The following PASD1 variants were observed in gnomAD, a reference collection of about 807,000 sequenced individuals.
PASD1 encodes circadian clock protein PASD1.
A neutral mutation model predicts 58.8 loss-of-function variants in PASD1; 13 were observed. The observed-to-expected ratio is 0.22, with a 90% CI of 0.14 to 0.35. PASD1 has a LOEUF of 0.35. Among genes scored for constraint, PASD1 ranks in the 10% least tolerant of loss-of-function variants. The pLI is 1.00. For missense variants in PASD1, 734 were observed against 568.3 expected, an observed-to-expected ratio of 1.29 and a Z score of -2.96; for synonymous variants, 236 against 216.7, an observed-to-expected ratio of 1.09 and a Z score of -0.78.
chrX:151,583,007 G>A, intron 1 of PASD1, among the ~76,000 whole-genome samples: 1 of 112,038 alleles, frequency 8.9e-6, no homozygotes, highest in East Asian at 2.8e-4. Context: ...AGAAATGTGG[G>A]ATGTTCGTGC....
chrX:151,671,773 C>G lies in PASD1; in HGVS notation c.1431C>G (p.Phe477Leu). The change falls in exon 13 of 16, where the codon TTC (phenylalanine) becomes TTG (leucine). Residue 477 changes from phenylalanine to leucine, a missense_variant. Transcript: ENST00000370357. The stretch of plus-strand genomic sequence containing the variant: ...AGCTTCAGGAGCCTTGTGTTGCCTT[C>G]AACCAGGTATGGAAAGGCTGTTTTA... ...TGELQEPCVA[F>L]NQQQLVQQEQ... 8.3e-7 allele frequency: 1 copy of G among 1,202,990 alleles called. No individual in the cohort carries two copies. Among genetic ancestry groups the G allele is most frequent in the Non-Finnish European group, 1.1e-6 (1 of 887,370 alleles).
At chrX:151,654,920 T>C (rs185125462) in intron 9 of PASD1, among the ~76,000 whole-genome samples, 1 of 110,767 alleles carries the variant, frequency 9.0e-6, no homozygotes, top group African/African-American at 3.3e-5. Context: ...TTGTCACATA[T>C]GTATACATAT....
intron 14 of PASD1, chrX:151,673,455 A>T (rs2014504167): frequency 7.6e-6 from 1 of 132,443 alleles, no homozygotes; most frequent in South Asian, 2.5e-4. Flanking sequence ...GATCATCAGA[A>T]TCCACCTGAG....
At chrX:151,670,546 A>G (rs955511985) in intron 11 of PASD1, among the ~76,000 whole-genome samples, 1 of 112,391 alleles carries the variant, frequency 8.9e-6, no homozygotes, top group Non-Finnish European at 1.9e-5. Context: ...TCTAAGTACT[A>G]TATGAGAACA....
chrX:151,622,474 T>C (rs940181400), intron 6 of PASD1, among the ~76,000 whole-genome samples: 7 of 110,434 alleles, frequency 6.3e-5, no homozygotes, highest in African/African-American at 2.3e-4. Flanking sequence ...AATGAATAAA[T>C]AAATAAATGA....
intron 1 of PASD1, among the ~76,000 whole-genome samples, chrX:151,595,470 G>A (rs979505252): frequency 8.1e-5 from 9 of 111,211 alleles, no homozygotes; most frequent in Non-Finnish European, 1.5e-4. Flanking sequence ...TGTAATCCCA[G>A]GACTTTGGGA....
intron 1 of PASD1, among the ~76,000 whole-genome samples, chrX:151,565,778 T>C (rs953384468): frequency 1.8e-5 from 2 of 111,220 alleles, no homozygotes; most frequent in African/African-American, 6.5e-5. Context: ...CAGGATGGTC[T>C]CGATCTCCTG....
At chrX:151,601,358 A>T (rs918176434) in intron 1 of PASD1, among the ~76,000 whole-genome samples, 169 bp from the exon 2 acceptor site, 1 of 112,448 alleles carries the variant, frequency 8.9e-6, no homozygotes, top group Non-Finnish European at 1.9e-5. Context: ...ACATCTACAT[A>T]ACATATGAGA....
At chrX:151,665,925 A>G (rs1411824723) in intron 11 of PASD1, among the ~76,000 whole-genome samples, 2 of 105,887 alleles carry the variant, frequency 1.9e-5, no homozygotes, top group African/African-American at 6.9e-5. Flanking sequence ...TGGTCTAATG[A>G]ATGTCTGCTT....
intron 15 of PASD1, among the ~76,000 whole-genome samples, chrX:151,674,940 T>C (rs1306755431): frequency 1.8e-5 from 2 of 111,694 alleles, no homozygotes; most frequent in African/African-American, 6.5e-5. Flanking sequence ...TTTTCACATA[T>C]ACCCCTTGAC....
At chrX:151,590,550 G>T (rs2013230812) in intron 1 of PASD1, among the ~76,000 whole-genome samples, 1 of 110,860 alleles carries the variant, frequency 9.0e-6, no homozygotes, top group Non-Finnish European at 1.9e-5. Flanking sequence ...TGATTCTCAG[G>T]ACATGTTCCA....
chrX:151,644,638 A>G (rs1023534663), intron 8 of PASD1, among the ~76,000 whole-genome samples: 3 of 111,842 alleles, frequency 2.7e-5, no homozygotes, highest in Admixed American at 9.5e-5. Flanking sequence ...ACTTAGAGAC[A>G]TAGGGTGGTC....
At chrX:151,638,248 A>T (rs1274102255) in intron 8 of PASD1, among the ~76,000 whole-genome samples, 1 of 109,379 alleles carries the variant, frequency 9.1e-6, no homozygotes, top group Non-Finnish European at 1.9e-5. Context: ...GAGAAATGAG[A>T]ACACTTGAAC....
intron 8 of PASD1, among the ~76,000 whole-genome samples, chrX:151,636,397 T>C (rs1406224635): frequency 8.9e-6 from 1 of 112,230 alleles, no homozygotes; most frequent in Non-Finnish European, 1.9e-5. Context: ...ATTTTCTTTT[T>C]CTTTCTTTCT....
intron 14 of PASD1, chrX:151,672,899 T>A (rs2014497386): frequency 2.3e-6 from 1 of 437,687 alleles, no homozygotes; most frequent in Non-Finnish European, 3.7e-6. Context: ...AAGAAAGGAC[T>A]AGATAAGGAA....
rs189441767 is a variant in PASD1, at chrX:151,609,246, C to A, written c.118-2418C>A. On this transcript the variant is annotated intron_variant, in intron 3 of 15. Transcript: ENST00000370357. ...AATAAATAGTGTTTAAAAAATTATTCTATTATAAATACTTTGTAATCTCCA... is the reference window on the plus strand; with the variant it reads ...AATAAATAGTGTTTAAAAAATTATTATATTATAAATACTTTGTAATCTCCA... Among the ~76,000 whole-genome samples the A allele has an allele frequency of 1.3e-4, 15 of 111,492 alleles. No homozygotes were observed. In the East Asian group the frequency reaches 4.2e-3, roughly 31 times the overall value.
At chrX:151,667,435 T>A (rs2014398415) in intron 11 of PASD1, among the ~76,000 whole-genome samples, 1 of 111,919 alleles carries the variant, frequency 8.9e-6, no homozygotes, top group Admixed American at 9.5e-5. Context: ...CTTTCGGTGT[T>A]TTAGACATGA....
At chrX:151,632,863 G>A (rs1480751618) in intron 8 of PASD1, among the ~76,000 whole-genome samples, 1 of 109,129 alleles carries the variant, frequency 9.2e-6, no homozygotes, top group African/African-American at 3.4e-5. Context: ...CAGAATGGGT[G>A]TGAGGCTCAA....
In PASD1 at chrX:151,622,941, T is replaced by C. The variant is rs756289978; in HGVS notation, c.423T>C (p.Phe141=). 18 of 1,208,094 alleles carry C rather than the reference T, an allele frequency of 1.5e-5. No individual in the cohort carries two copies. The highest frequency in any genetic ancestry group is 2.0e-5 in the Non-Finnish European group (18 of 893,237). ...IVNVRDICNE[F]PVVFSGLFSS... ...ATGTGTGTCTATCTTCCTTAGAGTTTCCTGTGGTCTTTAGTGGCTTGTTTT... is the reference window on the plus strand; with the variant it reads ...ATGTGTGTCTATCTTCCTTAGAGTTCCCTGTGGTCTTTAGTGGCTTGTTTT... Residue 141 remains phenylalanine, a synonymous_variant, in exon 7 of 16, where the codon TTT becomes TTC. Transcript: ENST00000370357.
Sources: gnomAD v4.1 joint callset for allele counts (sites outside exome capture counted in the v4.1 genomes callset) on GRCh38, gnomAD v4.1.1 for gene constraint, MANE v1.5 for transcripts, NCBI Gene and HGNC (gene_info 2026-07-23, HGNC 2026-07-21) for gene names.